The following LRRC37A2 variants were observed in gnomAD, a reference collection of about 807,000 sequenced individuals.
The protein encoded by LRRC37A2 is leucine-rich repeat-containing protein 37A2.
LRRC37A2 carries 9 observed loss-of-function variants against 68.8 expected under a neutral mutation model. That is an observed-to-expected ratio of 0.13 (90% CI 0.08 to 0.23). The LOEUF (loss-of-function observed/expected upper bound fraction) is 0.23. Ranked by LOEUF, LRRC37A2 falls within the 10% of genes least tolerant of loss-of-function variation. The pLI is 1.00. For synonymous variants in LRRC37A2, 63 were observed against 367.6 expected, an observed-to-expected ratio of 0.17 and a Z score of 9.48; for missense variants, 168 against 950.4, an observed-to-expected ratio of 0.18 and a Z score of 10.82.
chr17:46,980,519 G>T, the LRRC37A2 span, among the ~76,000 whole-genome samples: 1 of 151,714 alleles, frequency 6.6e-6, no homozygotes, highest in African/African-American at 2.4e-5. Context: ...TTTGAAAAAT[G>T]GACCTGTAGA....
the LRRC37A2 span, among the ~76,000 whole-genome samples, chr17:46,896,350 A>G: frequency 6.6e-6 from 1 of 150,630 alleles, no homozygotes; most frequent in African/African-American, 2.5e-5. Flanking sequence ...AGAAAGAAAG[A>G]AAGAAAAAGA....
chr17:46,753,553 A>G, the LRRC37A2 span, among the ~76,000 whole-genome samples: 1 of 152,140 alleles, frequency 6.6e-6, no homozygotes, highest in Non-Finnish European at 1.5e-5. Context: ...TCTTTCCTTG[A>G]AAAAAAGATA....
chr17:46,972,465 G>T, the LRRC37A2 span, among the ~76,000 whole-genome samples: 1 of 152,232 alleles, frequency 6.6e-6, no homozygotes, highest in Non-Finnish European at 1.5e-5. Context: ...GGCACCCCGA[G>T]CCCTTGCTGA....
the LRRC37A2 span, among the ~76,000 whole-genome samples, chr17:46,766,210 A>C: frequency 2.0e-5 from 3 of 152,130 alleles, no homozygotes; most frequent in African/African-American, 7.2e-5. Context: ...GGAGTTCAAG[A>C]CCAGCCTGGC....
the LRRC37A2 span, among the ~76,000 whole-genome samples, chr17:47,001,051 G>T: frequency 6.6e-6 from 1 of 152,098 alleles, no homozygotes; most frequent in Non-Finnish European, 1.5e-5. Flanking sequence ...CAGAAGAACC[G>T]CTTGAACCTA....
At chr17:46,785,554 T>C in the LRRC37A2 span, among the ~76,000 whole-genome samples, 2 of 152,226 alleles carry the variant, frequency 1.3e-5, no homozygotes, top group Non-Finnish European at 2.9e-5. Flanking sequence ...TGACCACTTC[T>C]ACATGCTGTG....
the LRRC37A2 span, among the ~76,000 whole-genome samples, chr17:47,003,426 AG>A: frequency 6.6e-6 from 1 of 152,150 alleles, no homozygotes; most frequent in East Asian, 1.9e-4. Context: ...ATCACACAAC[AG>A]GGGGGCAGGG....
the LRRC37A2 span, among the ~76,000 whole-genome samples, chr17:46,855,331 G>A: frequency 6.6e-6 from 1 of 152,246 alleles, no homozygotes; most frequent in African/African-American, 2.4e-5. Flanking sequence ...GTCCTCAGTA[G>A]TGAGACGGGT....
the LRRC37A2 span, among the ~76,000 whole-genome samples, chr17:46,807,120 AG>A: frequency 6.6e-6 from 1 of 152,202 alleles, no homozygotes; most frequent in African/African-American, 2.4e-5. Flanking sequence ...AAGATCATGG[AG>A]GAAAAAAAAG....
the LRRC37A2 span, chr17:46,955,401 T>C: frequency 2.6e-5 from 4 of 152,134 alleles, no homozygotes; most frequent in Non-Finnish European, 4.4e-5. Context: ...TTTGATGTGC[T>C]GCTGGATTCG....
the LRRC37A2 span, among the ~76,000 whole-genome samples, chr17:47,032,428 G>A: frequency 6.6e-6 from 1 of 152,184 alleles, no homozygotes; most frequent in African/African-American, 2.4e-5. Flanking sequence ...CTAATAAGTG[G>A]CAGAACCACT....
chr17:46,871,635 A>G, the LRRC37A2 span, among the ~76,000 whole-genome samples: 1,909 of 152,322 alleles, frequency 0.013, 45 homozygotes, highest in African/African-American at 0.043. Flanking sequence ...GAGGTAGAGA[A>G]GATCACTCTG....
the LRRC37A2 span, among the ~76,000 whole-genome samples, chr17:46,657,296 A>C: frequency 4.9e-5 from 7 of 143,040 alleles, no homozygotes; most frequent in African/African-American, 1.8e-4. Flanking sequence ...TGAAAAGTCA[A>C]ATGTTAAGGA....
At chr17:46,823,028 TA>T in the LRRC37A2 span, among the ~76,000 whole-genome samples, 1 of 133,940 alleles carries the variant, frequency 7.5e-6, no homozygotes, top group African/African-American at 2.8e-5. Context: ...AATATGTATT[TA>T]TAATAAATAT....
At chr17:46,724,552 T>G in the LRRC37A2 span, among the ~76,000 whole-genome samples, 1 of 152,184 alleles carries the variant, frequency 6.6e-6, no homozygotes, top group Non-Finnish European at 1.5e-5. Context: ...CCCATAGTTA[T>G]GCCTAACTTC....
the LRRC37A2 span, among the ~76,000 whole-genome samples, chr17:46,912,892 G>T: frequency 6.6e-6 from 1 of 152,224 alleles, no homozygotes; most frequent in Non-Finnish European, 1.5e-5. Context: ...CTGGAGGGTG[G>T]TTTATGACAG....
At chr17:46,948,072 A>G in the LRRC37A2 span, among the ~76,000 whole-genome samples, 26 of 145,220 alleles carry the variant, frequency 1.8e-4, no homozygotes, top group East Asian at 5.5e-3. Context: ...CGCCCAGCCT[A>G]GAAGTGATTT....
the LRRC37A2 span, among the ~76,000 whole-genome samples, chr17:46,780,524 C>A: frequency 6.6e-6 from 1 of 152,240 alleles, no homozygotes; most frequent in African/African-American, 2.4e-5. Flanking sequence ...TGCGGTGGCT[C>A]ACGCTTGTAA....
chr17:46,767,975 GACGGGTTTC>G, the LRRC37A2 span, among the ~76,000 whole-genome samples: 1 of 152,188 alleles, frequency 6.6e-6, no homozygotes, highest in Admixed American at 6.5e-5. Context: ...TTTTAGTAGA[GACGGGTTTC>G]ACCATGTTGG....
Sources: allele counts gnomAD v4.1 joint callset (sites outside exome capture counted in the v4.1 genomes callset), GRCh38; gene constraint gnomAD v4.1.1; transcripts MANE v1.5; gene names NCBI Gene and HGNC (gene_info 2026-07-23, HGNC 2026-07-21).